GLRA1: variants seen among roughly 807,000 people sequenced by gnomAD.
The protein encoded by GLRA1 is glycine receptor alpha 1, also known as glycine receptor subunit alpha-1.
Under a neutral mutation model 48.3 loss-of-function variants are expected in GLRA1, and 37 were observed. The ratio of observed to expected loss-of-function variants is 0.77; its 90% CI spans 0.59 to 1.01. GLRA1 has a LOEUF of 1.01. Ranked by LOEUF, GLRA1 falls within the 50% of genes least tolerant of loss-of-function variation. The pLI, the probability that GLRA1 is intolerant of heterozygous loss-of-function variation, is 0.00. For synonymous variants in GLRA1, 196 were observed against 210.7 expected, an observed-to-expected ratio of 0.93 and a Z score of 0.60; for missense variants, 427 against 571.0, an observed-to-expected ratio of 0.75 and a Z score of 2.57.
intron 8 of GLRA1, 108 bp downstream of exon 8, chr5:151,828,813 A>C (rs539211064): frequency 1.0e-4 from 116 of 1,152,726 alleles, no homozygotes; most frequent in Non-Finnish European, 6.2e-6. Flanking sequence ...CCTGCCTTGC[A>C]CATTGAGAAG....
intron 1 of GLRA1, among the ~76,000 whole-genome samples, chr5:151,903,583 C>T (rs749253076): frequency 6.6e-5 from 10 of 152,142 alleles, no homozygotes; most frequent in South Asian, 6.2e-4. Context: ...CGTAGAATTA[C>T]GAGACCTAGT....
chr5:151,849,277 CCTTTCTTTCTCTCTCTT>C (rs1752809187), intron 7 of GLRA1, among the ~76,000 whole-genome samples: 1 of 95,958 alleles, frequency 1.0e-5, no homozygotes, highest in Non-Finnish European at 2.0e-5. Flanking sequence ...TCTCTCTCTT[CCTTTCTTTCTCTCTCTT>C]CTTTCTTTCT....
At chr5:151,843,553 G>A (rs1026895786) in intron 7 of GLRA1, among the ~76,000 whole-genome samples, 7 of 152,094 alleles carry the variant, frequency 4.6e-5, no homozygotes, top group Non-Finnish European at 1.0e-4. Context: ...GAGCCACCAT[G>A]CCTGGCCGCT....
At chr5:151,919,965 G>C (rs1046103784) in intron 1 of GLRA1, among the ~76,000 whole-genome samples, 1 of 152,248 alleles carries the variant, frequency 6.6e-6, no homozygotes, top group African/African-American at 2.4e-5. Context: ...GCGCGAACAG[G>C]CTGCCTGGAG....
intron 3 of GLRA1, among the ~76,000 whole-genome samples, chr5:151,877,771 A>T (rs1753662006): frequency 6.6e-6 from 1 of 152,210 alleles, no homozygotes; most frequent in Admixed American, 6.5e-5. Flanking sequence ...CATGTGAGAC[A>T]TGCCTTTCAC....
At chr5:151,842,712 C>T (rs1019787959) in intron 7 of GLRA1, among the ~76,000 whole-genome samples, 5 of 152,116 alleles carry the variant, frequency 3.3e-5, no homozygotes, top group Admixed American at 2.6e-4. Context: ...GTTCTTACTA[C>T]TTCTATTCTT....
chr5:151,859,187 T>A (rs1167288176), intron 4 of GLRA1, among the ~76,000 whole-genome samples: 1 of 152,236 alleles, frequency 6.6e-6, no homozygotes, highest in African/African-American at 2.4e-5. Context: ...TCTTGGACAT[T>A]GGTCATTTTC....
At chr5:151,852,638 G>A (rs1368108728) in intron 6 of GLRA1, among the ~76,000 whole-genome samples, 4 of 152,196 alleles carry the variant, frequency 2.6e-5, no homozygotes, top group Non-Finnish European at 5.9e-5. Context: ...TTTTCTTCTT[G>A]CATCCATAGG....
intron 1 of GLRA1, among the ~76,000 whole-genome samples, chr5:151,911,231 A>G (rs1754601101): frequency 6.6e-6 from 1 of 152,148 alleles, no homozygotes; most frequent in South Asian, 2.1e-4. Flanking sequence ...GTCATTCTTT[A>G]TGGCCCAGTT....
At chr5:151,871,799 C>A (rs1388960644) in intron 3 of GLRA1, among the ~76,000 whole-genome samples, 1 of 149,684 alleles carries the variant, frequency 6.7e-6, no homozygotes, top group East Asian at 1.9e-4. Context: ...CTCCTGACTT[C>A]GTGATCTGCC....
intron 7 of GLRA1, 21 bp downstream of exon 7, chr5:151,851,369 C>G: frequency 6.5e-7 from 1 of 1,542,428 alleles, no homozygotes; most frequent in East Asian, 2.2e-5. Flanking sequence ...GTGTTCTGTG[C>G]TCTTGGGCAA....
At chr5:151,889,269 A>G (rs1328722106) in intron 2 of GLRA1, among the ~76,000 whole-genome samples, 1 of 152,260 alleles carries the variant, frequency 6.6e-6, no homozygotes, top group Admixed American at 6.5e-5. Context: ...ACTAAATGTT[A>G]AAGTTTAATT....
At chr5:151,898,395 C>T (rs1754275930) in intron 1 of GLRA1, among the ~76,000 whole-genome samples, 1 of 152,110 alleles carries the variant, frequency 6.6e-6, no homozygotes, top group Admixed American at 6.5e-5. Context: ...TCTCATTCTC[C>T]AGTTGCAACA....
intron 2 of GLRA1, among the ~76,000 whole-genome samples, chr5:151,889,081 C>A (rs1383513602): frequency 6.6e-6 from 1 of 152,170 alleles, no homozygotes; most frequent in Non-Finnish European, 1.5e-5. Context: ...CCAGTCCCTG[C>A]AAGTGTCTGG....
chr5:151,850,336 G>C (rs1302431370), intron 7 of GLRA1: 2 of 1,523,882 alleles, frequency 1.3e-6, no homozygotes, highest in South Asian at 1.1e-5. Flanking sequence ...TTCTGGGTGG[G>C]CTGTTTCATT....
chr5:151,870,718 A>C (rs1753457118), intron 3 of GLRA1, among the ~76,000 whole-genome samples: 1 of 149,712 alleles, frequency 6.7e-6, no homozygotes, highest in Non-Finnish European at 1.5e-5. Context: ...CTTTCTTGCC[A>C]TTAGAAGGAG....
At chr5:151,851,682 T>G in intron 6 of GLRA1, 78 bp from the exon 7 acceptor site, 1 of 943,596 alleles carries the variant, frequency 1.1e-6, no homozygotes, top group South Asian at 1.3e-5. Flanking sequence ...CAACCTCGGC[T>G]AGAGTCCTGG....
chr5:151,849,094 A>AATTCT, intron 7 of GLRA1: 1 of 249,650 alleles, frequency 4.0e-6, no homozygotes, highest in South Asian at 1.3e-4. Context: ...TTTCCTTTTT[A>AATTCT]TTTCTTTTCT....
At chr5:151,864,368 A>G (rs922605668) in intron 3 of GLRA1, among the ~76,000 whole-genome samples, 8 of 152,220 alleles carry the variant, frequency 5.3e-5, no homozygotes, top group Non-Finnish European at 1.2e-4. Context: ...ATACTGTCAC[A>G]TACATTTTAT....
Sources: allele counts gnomAD v4.1 joint callset (sites outside exome capture counted in the v4.1 genomes callset), GRCh38; gene constraint gnomAD v4.1.1; transcripts MANE v1.5; gene names NCBI Gene and HGNC (gene_info 2026-07-23, HGNC 2026-07-21).